Variants in DLG2 observed in about 807,000 individuals in gnomAD.
The protein encoded by DLG2 is discs large MAGUK scaffold protein 2, also known as disks large homolog 2.
In DLG2, 45 loss-of-function variants were observed where a neutral mutation model predicts 132.5. The observed-to-expected ratio is 0.34, with a 90% CI of 0.27 to 0.44. The LOEUF is 0.44. Ranked by LOEUF, DLG2 falls within the 20% of genes least tolerant of loss-of-function variation. DLG2 has a pLI of 1.00. For missense variants in DLG2, 1,045 were observed against 1,196.9 expected (o/e 0.87, Z 1.87); for synonymous variants, 424 against 419.6 (o/e 1.01, Z -0.13).
chr11:84,770,663 C>T (rs1009432536), intron 6 of DLG2, among the ~76,000 whole-genome samples: 7 of 135,262 alleles, frequency 5.2e-5, no homozygotes, highest in East Asian at 2.1e-4. Context: ...TTTTTTGAGA[C>T]GGAGTCTTGC....
At chr11:85,499,364 T>C (rs373446767) in intron 3 of DLG2, among the ~76,000 whole-genome samples, 1 of 152,204 alleles carries the variant, frequency 6.6e-6, no homozygotes. Flanking sequence ...GATAAATTCA[T>C]GGATAAATAC....
chr11:84,027,176 G>A (rs1298162315), intron 11 of DLG2, among the ~76,000 whole-genome samples: 1 of 152,070 alleles, frequency 6.6e-6, no homozygotes, highest in Non-Finnish European at 1.5e-5. Flanking sequence ...TTGTAGCTAA[G>A]TAGGGCTTCA....
intron 4 of DLG2, among the ~76,000 whole-genome samples, chr11:85,234,486 A>T (rs2075473647): frequency 6.6e-6 from 1 of 152,028 alleles, no homozygotes; most frequent in African/African-American, 2.4e-5. Context: ...TGCTACGTCA[A>T]ATAGTTTAAC....
At chr11:83,721,702 A>G (rs1456511395) in intron 18 of DLG2, among the ~76,000 whole-genome samples, 1 of 152,252 alleles carries the variant, frequency 6.6e-6, no homozygotes, top group Non-Finnish European at 1.5e-5. Flanking sequence ...TTTAGATGCG[A>G]CAACGAATTA....
chr11:85,191,036 A>G (rs1384709377), intron 4 of DLG2, among the ~76,000 whole-genome samples: 1 of 152,200 alleles, frequency 6.6e-6, no homozygotes, highest in Non-Finnish European at 1.5e-5. Context: ...AGGAATATAA[A>G]TCATTCTACC....
chr11:85,398,826 C>T (rs1349917941), intron 3 of DLG2, among the ~76,000 whole-genome samples: 1 of 152,132 alleles, frequency 6.6e-6, no homozygotes, highest in Non-Finnish European at 1.5e-5. Context: ...GACAGATTCA[C>T]AGCCAAATTC....
intron 6 of DLG2, among the ~76,000 whole-genome samples, chr11:85,009,394 T>C (rs965597192): frequency 6.6e-6 from 1 of 152,134 alleles, no homozygotes; most frequent in Non-Finnish European, 1.5e-5. Context: ...TTGCTTCCAA[T>C]GGTTTCTAGA....
At chr11:85,124,522 T>G (rs2074827921) in intron 5 of DLG2, among the ~76,000 whole-genome samples, 1 of 152,206 alleles carries the variant, frequency 6.6e-6, no homozygotes, top group Non-Finnish European at 1.5e-5. Flanking sequence ...ATTTCAGACT[T>G]GAGAAAAATA....
At chr11:84,597,889 C>G in intron 6 of DLG2, among the ~76,000 whole-genome samples, 1 of 152,078 alleles carries the variant, frequency 6.6e-6, no homozygotes. Flanking sequence ...GGCCTGTACT[C>G]CTAATTAGCA....
chr11:84,431,638 A>G (rs2098984992), intron 7 of DLG2, among the ~76,000 whole-genome samples: 1 of 152,166 alleles, frequency 6.6e-6, no homozygotes, highest in East Asian at 1.9e-4. Flanking sequence ...TATATGATAT[A>G]TCTCAGTGTT....
At chr11:85,016,903 C>T (rs943514410) in intron 6 of DLG2, among the ~76,000 whole-genome samples, 16 of 125,114 alleles carry the variant, frequency 1.3e-4, no homozygotes, top group African/African-American at 3.8e-4. Flanking sequence ...CCTTTTCCTA[C>T]TCTCTTCTGT....
At chr11:85,098,348 G>T (rs563961971) in intron 6 of DLG2, among the ~76,000 whole-genome samples, 1 of 152,138 alleles carries the variant, frequency 6.6e-6, no homozygotes, top group African/African-American at 2.4e-5. Context: ...CAGATTCTGC[G>T]CACTGTCCAA....
intron 11 of DLG2, among the ~76,000 whole-genome samples, chr11:84,049,282 A>G (rs1409749636): frequency 6.6e-6 from 1 of 151,880 alleles, no homozygotes; most frequent in Non-Finnish European, 1.5e-5. Context: ...GAAATTTGTC[A>G]CATCAGTTAT....
At chr11:83,999,956 T>C (rs61898933) in intron 11 of DLG2, among the ~76,000 whole-genome samples, 1 of 5,596 alleles carries the variant, frequency 1.8e-4, no homozygotes, top group Non-Finnish European at 2.8e-4. Flanking sequence ...ACTGGAAACA[T>C]TAAAAAAAAA....
Position 84,162,847 on chromosome 11 carries a change from C to T in DLG2, c.624+614G>A, listed in dbSNP as rs938801374. Among the ~76,000 whole-genome samples, 4 of 152,042 alleles carry T rather than the reference C, an allele frequency of 2.6e-5. No individual in the cohort carries two copies. In the East Asian group the frequency reaches 7.7e-4, roughly 29 times the overall value. On this transcript the variant is annotated intron_variant, in intron 9 of 27. Coordinates refer to ENST00000376104, the MANE Select transcript of DLG2 (RefSeq NM_001142699.3). ...TGGCTTTTTCTTTTTTAATGAATGTCCTGTTAATGCTTTTTGGTCACTTTT... is the reference window on the plus strand; with the variant it reads ...TGGCTTTTTCTTTTTTAATGAATGTTCTGTTAATGCTTTTTGGTCACTTTT...
intron 7 of DLG2, among the ~76,000 whole-genome samples, chr11:84,356,842 A>G (rs1311633508): frequency 1.3e-5 from 2 of 152,054 alleles, no homozygotes; most frequent in Non-Finnish European, 2.9e-5. Flanking sequence ...TAAAAAGATG[A>G]CATTTCAGCA....
chr11:83,752,009 C>G (rs2093340739), intron 18 of DLG2, among the ~76,000 whole-genome samples: 1 of 152,220 alleles, frequency 6.6e-6, no homozygotes, highest in Non-Finnish European at 1.5e-5. Context: ...TGGCTCACGC[C>G]TGTAATCCCA....
intron 7 of DLG2, among the ~76,000 whole-genome samples, chr11:84,455,157 C>G (rs17807346): frequency 0.022 from 3,331 of 151,344 alleles, 56 homozygotes; most frequent in Non-Finnish European, 0.035. Flanking sequence ...CTATTTCAGC[C>G]TAACTTCTGT....
chr11:85,017,625 G>T (rs1372834821), intron 6 of DLG2, among the ~76,000 whole-genome samples: 1 of 152,152 alleles, frequency 6.6e-6, no homozygotes, highest in African/African-American at 2.4e-5. Flanking sequence ...ATTACAAGTT[G>T]TTGCTTCAGA....
Sources: allele counts gnomAD v4.1 joint callset (sites outside exome capture counted in the v4.1 genomes callset), GRCh38; gene constraint gnomAD v4.1.1; transcripts MANE v1.5; gene names NCBI Gene and HGNC (gene_info 2026-07-23, HGNC 2026-07-21).